Variants in SENP6 observed in about 807,000 individuals in gnomAD.
SENP6 encodes SUMO specific peptidase 6.
Under a neutral mutation model 134.5 loss-of-function variants are expected in SENP6, and 41 were observed. The ratio of observed to expected loss-of-function variants is 0.30; its 90% CI spans 0.24 to 0.40. SENP6 has a LOEUF of 0.40. SENP6 is among the 10% of genes least tolerant of loss of function. The probability of loss-of-function intolerance (pLI) is 1.00; values close to 1 mark genes in which losing one functional copy is unlikely to be tolerated. For missense variants in SENP6, 1,248 were observed against 1,312.5 expected (o/e 0.95, Z 0.76); for synonymous variants, 395 against 429.8 (o/e 0.92, Z 1.00).
At chr6:75,709,782 C>A (rs1775644330) in intron 20 of SENP6, 152 bp downstream of exon 20, 2 of 445,298 alleles carry the variant, frequency 4.5e-6, no homozygotes, top group Non-Finnish European at 8.0e-6. Context: ...TCAGCCTGGG[C>A]AACATAAGGA....
intron 17 of SENP6, among the ~76,000 whole-genome samples, chr6:75,696,378 A>G (rs1450492501): frequency 6.6e-6 from 1 of 152,196 alleles, no homozygotes; most frequent in Non-Finnish European, 1.5e-5. Flanking sequence ...TTCATCCATA[A>G]TATCTAAGAA....
intron 4 of SENP6, 21 bp from the exon 5 acceptor site, chr6:75,634,683 ATTT>A: frequency 1.5e-6 from 2 of 1,357,126 alleles, no homozygotes; most frequent in Middle Eastern, 3.7e-4. Flanking sequence ...TGTTCAAGTT[ATTT>A]TTTGTTTCTT....
intron 16 of SENP6, among the ~76,000 whole-genome samples, chr6:75,689,908 A>G (rs1420562117): frequency 6.6e-6 from 1 of 151,924 alleles, no homozygotes; most frequent in Non-Finnish European, 1.5e-5. Flanking sequence ...GATGTCCAAA[A>G]GAACTGAAAG....
intron 7 of SENP6, among the ~76,000 whole-genome samples, chr6:75,649,138 G>A (rs1329297608): frequency 6.6e-6 from 1 of 151,098 alleles, no homozygotes; most frequent in Admixed American, 6.6e-5. Flanking sequence ...AAACCCCATC[G>A]CTACTGGAAA....
rs1055807521 is a variant in SENP6 at position 75,633,460 on chromosome 6, T to C, written c.208-121T>C. The C allele has an allele frequency of 9.0e-6, 7 of 778,222 alleles. No individual in the cohort carries two copies. In the Admixed American group the frequency reaches 1.4e-4, roughly 16 times the overall value. The allele number at this position is 778,222 out of a possible 1,614,324, so 48.2% of individuals were successfully genotyped here. ...ATTATTCTTAAATCCATGCCAATGC[T>C]ATCCACCATCATTCCCAATAGCTGT... On this transcript the variant is annotated intron_variant, in intron 3 of 23. Coordinates refer to ENST00000447266, the MANE Select transcript of SENP6 (RefSeq NM_015571.4).
At chr6:75,685,111 C>T (rs758255314) in intron 16 of SENP6, among the ~76,000 whole-genome samples, 6 of 152,138 alleles carry the variant, frequency 3.9e-5, no homozygotes, top group Non-Finnish European at 8.8e-5. Context: ...TCAACTTCTT[C>T]CTGGTTTAGT....
At position 75,703,933 on chromosome 6, in the gene SENP6, A is replaced by G. The variant is rs1775215342; in HGVS notation, c.2716+861A>G. 1.3e-5 allele frequency among the ~76,000 whole-genome samples: 2 copies of G among 152,162 alleles called. 1 individual carries two copies. The highest frequency in any genetic ancestry group is 4.1e-4 in the South Asian group (2 of 4,830). On this transcript the variant is annotated intron_variant, in intron 19 of 23. Transcript: ENST00000447266. Reference sequence around the variant, plus strand: ...TTGGATCTATTTTTATTTCATAGGAAATTTACAGTATTCAGCATTAACAGT... The same window carrying G: ...TTGGATCTATTTTTATTTCATAGGAGATTTACAGTATTCAGCATTAACAGT...
At chr6:75,620,337 T>C (rs1350482384) in intron 1 of SENP6, among the ~76,000 whole-genome samples, 1 of 152,178 alleles carries the variant, frequency 6.6e-6, no homozygotes, top group Non-Finnish European at 1.5e-5. Flanking sequence ...TTGAAGTCCA[T>C]AGACTGAGTG....
At chr6:75,689,688 C>G (rs1410969123) in intron 16 of SENP6, among the ~76,000 whole-genome samples, 1 of 152,116 alleles carries the variant, frequency 6.6e-6, no homozygotes, top group Non-Finnish European at 1.5e-5. Context: ...CAAATAGTTT[C>G]CATTGTGTCA....
At chr6:75,622,014 T>G (rs1402974476) in intron 2 of SENP6, among the ~76,000 whole-genome samples, 1 of 152,150 alleles carries the variant, frequency 6.6e-6, no homozygotes, top group Non-Finnish European at 1.5e-5. Flanking sequence ...GTATGAAAGT[T>G]TAAATACTAC....
chr6:75,660,489 G>T (rs991184621), intron 8 of SENP6, among the ~76,000 whole-genome samples: 4 of 152,102 alleles, frequency 2.6e-5, no homozygotes, highest in African/African-American at 9.7e-5. Context: ...TTACCTTGAT[G>T]CTTCAATTGT....
chr6:75,620,556 C>T (rs1168532763), intron 1 of SENP6: 1 of 152,148 alleles, frequency 6.6e-6, no homozygotes, highest in East Asian at 1.9e-4. Context: ...GTGATCTAAT[C>T]AGCTCACACA....
rs199928355 is a variant in SENP6, at chr6:75,659,367, C to G, written c.656C>G (p.Pro219Arg). 1.2e-4 allele frequency: 187 copies of G among 1,610,562 alleles called. No homozygotes were observed. The African/African-American group carries it at 2.4e-3, about 21-fold the overall frequency. ...TGTAGTACCTATCAGCCTACTCCTC[C>G]TCTATCTCCTGCTTCAAAAAAATGT... ...RHCSTYQPTP[P>R]LSPASKKCLT... Residue 219 changes from proline (P) to arginine (R), a missense_variant, in exon 8 of 24, where the codon CCT becomes CGT. Transcript: ENST00000447266.
intron 3 of SENP6, among the ~76,000 whole-genome samples, chr6:75,625,139 A>C (rs1318556171): frequency 1.0e-5 from 1 of 99,534 alleles, no homozygotes; most frequent in African/African-American, 3.8e-5. Flanking sequence ...TTTCAGACGG[A>C]GTCTGGCTCT....
intron 16 of SENP6, among the ~76,000 whole-genome samples, chr6:75,691,447 AT>A (rs1251473660): frequency 1.3e-5 from 2 of 152,224 alleles, no homozygotes; most frequent in East Asian, 3.9e-4. Flanking sequence ...ATGATGTTAG[AT>A]TTTCCATTTT....
chr6:75,646,317 C>T (rs1770435207), intron 6 of SENP6, among the ~76,000 whole-genome samples: 1 of 152,078 alleles, frequency 6.6e-6, no homozygotes, highest in African/African-American at 2.4e-5. Flanking sequence ...CCAGTTTTAC[C>T]AGATGTTGCT....
At chr6:75,616,514 C>T (rs991629368) in intron 1 of SENP6, among the ~76,000 whole-genome samples, 5 of 151,914 alleles carry the variant, frequency 3.3e-5, no homozygotes, top group East Asian at 1.9e-4. Context: ...TTTGGGAGGC[C>T]GAGGCGGGTG....
Position 75,676,063 on chromosome 6 carries a change from T to G in SENP6, c.1621+9T>G, listed in dbSNP as rs1238658907. 1.9e-6 allele frequency: 3 copies of G among 1,545,708 alleles called. No homozygotes were observed. The highest frequency in any genetic ancestry group is 2.6e-6 in the Non-Finnish European group (3 of 1,138,270). ...AGTAAATAAATTAACAAGTAAGTTG[T>G]GTAAAACAGATTATAATAGATAATA... On this transcript the variant is annotated intron_variant, in intron 13 of 23. Transcript: ENST00000447266.
intron 19 of SENP6, 103 bp from the exon 20 acceptor site, chr6:75,709,424 G>A (rs756607043): frequency 3.1e-5 from 21 of 681,508 alleles, no homozygotes; most frequent in Non-Finnish European, 4.9e-5. Flanking sequence ...TTGTGTTCTT[G>A]ACTACTGTAT....
Sources: gnomAD v4.1 joint callset for allele counts (sites outside exome capture counted in the v4.1 genomes callset) on GRCh38, gnomAD v4.1.1 for gene constraint, MANE v1.5 for transcripts, NCBI Gene and HGNC (gene_info 2026-07-23, HGNC 2026-07-21) for gene names.